Variants in RBFOX1 observed in about 807,000 individuals in gnomAD.
RBFOX1 encodes the protein RNA binding fox-1 homolog 1, also known as RNA binding protein fox-1 homolog 1.
RBFOX1 carries 8 observed loss-of-function variants against 57.7 expected under a neutral mutation model. That is an observed-to-expected ratio of 0.14 (90% confidence interval 0.08 to 0.25). The LOEUF (loss-of-function observed/expected upper bound fraction) is 0.25, where lower values mean the gene tolerates loss of function less well. Among genes scored for constraint, RBFOX1 ranks in the 10% least tolerant of loss-of-function variants. RBFOX1 has a pLI of 1.00. For synonymous variants in RBFOX1, 326 were observed against 222.4 expected (o/e 1.47, Z -4.15); for missense variants, 611 against 548.5 (o/e 1.11, Z -1.14).
intron 4 of RBFOX1, among the ~76,000 whole-genome samples, chr16:7,059,215 C>G (rs1338927263): frequency 4.6e-5 from 7 of 152,210 alleles, no homozygotes; most frequent in African/African-American, 1.4e-4. Context: ...CCCCTCTCCA[C>G]TTTTTAAAGC....
intron 3 of RBFOX1, among the ~76,000 whole-genome samples, chr16:6,786,481 G>A (rs1188860965): frequency 6.6e-6 from 1 of 152,114 alleles, no homozygotes; most frequent in Non-Finnish European, 1.5e-5. Context: ...ACAACAAAGA[G>A]CTGTGTAGCC....
At chr16:5,259,721 C>A (rs1489459708) in intron 1 of RBFOX1, among the ~76,000 whole-genome samples, 1 of 152,198 alleles carries the variant, frequency 6.6e-6, no homozygotes, top group East Asian at 1.9e-4. Flanking sequence ...GCCAGTGCAG[C>A]TTAAGTGGAG....
At chr16:7,218,912 C>A (rs919457589) in intron 4 of RBFOX1, among the ~76,000 whole-genome samples, 1 of 152,106 alleles carries the variant, frequency 6.6e-6, no homozygotes, top group Admixed American at 6.5e-5. Flanking sequence ...TCAGCACAAT[C>A]TTCTCTCTTG....
At chr16:5,817,580 G>C (rs1028425395) in intron 3 of RBFOX1, among the ~76,000 whole-genome samples, 1 of 152,140 alleles carries the variant, frequency 6.6e-6, no homozygotes, top group African/African-American at 2.4e-5. Context: ...AAGACCCTTA[G>C]TGGGAGAAGC....
intron 3 of RBFOX1, among the ~76,000 whole-genome samples, chr16:5,694,167 G>A (rs2050777159): frequency 6.6e-6 from 1 of 152,116 alleles, no homozygotes; most frequent in African/African-American, 2.4e-5. Context: ...GTGTGGCCGG[G>A]GATTTTGCAT....
intron 7 of RBFOX1, among the ~76,000 whole-genome samples, chr16:7,592,049 G>T (rs753083732): frequency 1.3e-5 from 2 of 152,056 alleles, no homozygotes; most frequent in Non-Finnish European, 2.9e-5. Flanking sequence ...GCCACTTCTT[G>T]TCTGGGTGGG....
At chr16:7,173,564 T>C (rs898280105) in intron 4 of RBFOX1, among the ~76,000 whole-genome samples, 15 of 152,204 alleles carry the variant, frequency 9.9e-5, no homozygotes, top group African/African-American at 1.4e-4. Context: ...ATTTGTCATC[T>C]CAATTACAGT....
chr16:6,030,110 T>G (rs2095267444), intron 1 of RBFOX1, among the ~76,000 whole-genome samples: 1 of 152,156 alleles, frequency 6.6e-6, no homozygotes, highest in Non-Finnish European at 1.5e-5. Flanking sequence ...TATTTTTTTG[T>G]AGAGTTGTGA....
intron 4 of RBFOX1, among the ~76,000 whole-genome samples, chr16:7,398,295 C>A (rs183325045): frequency 1.1e-3 from 166 of 152,296 alleles, no homozygotes; most frequent in African/African-American, 3.6e-3. Context: ...GTGACACTTA[C>A]AGGATGCTTA....
At chr16:6,587,573 C>T (rs758660041) in intron 2 of RBFOX1, among the ~76,000 whole-genome samples, 1 of 152,032 alleles carries the variant, frequency 6.6e-6, no homozygotes, top group African/African-American at 2.4e-5. Context: ...TGAGCCACCA[C>T]GCTCAGCTGT....
chr16:5,559,316 T>A (rs1243406132), intron 2 of RBFOX1, among the ~76,000 whole-genome samples: 1 of 152,182 alleles, frequency 6.6e-6, no homozygotes, highest in Non-Finnish European at 1.5e-5. Flanking sequence ...TTCCATGACG[T>A]ACATCTTAAG....
intron 4 of RBFOX1, among the ~76,000 whole-genome samples, chr16:7,285,074 ACT>A (rs2095622632): frequency 2.8e-4 from 12 of 43,324 alleles, no homozygotes; most frequent in Non-Finnish European, 1.0e-4. Flanking sequence ...TAGATTCCTT[ACT>A]TTTTTTTTTT....
intron 4 of RBFOX1, among the ~76,000 whole-genome samples, chr16:5,873,809 G>A (rs1344259256): frequency 6.6e-6 from 1 of 152,132 alleles, no homozygotes; most frequent in Non-Finnish European, 1.5e-5. Context: ...AGATAGGCTA[G>A]GGATATTTAT....
At chr16:5,867,438 A>G (rs1410806608) in intron 4 of RBFOX1, 6 of 822,946 alleles carry the variant, frequency 7.3e-6, no homozygotes, top group Non-Finnish European at 9.7e-6. Flanking sequence ...TCCGTGTTTC[A>G]TTTCCTGGTG....
intron 1 of RBFOX1, among the ~76,000 whole-genome samples, chr16:5,454,869 T>TC (rs1491347181): frequency 7.8e-5 from 6 of 77,314 alleles, no homozygotes; most frequent in Middle Eastern, 4.8e-3. Context: ...TTTCTTTCTT[T>TC]CTTTCTTTCT....
intron 11 of RBFOX1, among the ~76,000 whole-genome samples, chr16:7,638,895 C>A (rs2062254312): frequency 6.6e-6 from 1 of 151,962 alleles, no homozygotes; most frequent in Admixed American, 6.5e-5. Context: ...TGGTGGCTGG[C>A]TGCTTGGGGG....
At chr16:6,815,903 C>A (rs765214127) in intron 3 of RBFOX1, among the ~76,000 whole-genome samples, 1 of 152,172 alleles carries the variant, frequency 6.6e-6, no homozygotes, top group Non-Finnish European at 1.5e-5. Context: ...TTTACTTCCA[C>A]TGAAGGAAAG....
At chr16:6,886,042 G>A (rs919841646) in intron 3 of RBFOX1, among the ~76,000 whole-genome samples, 8 of 151,378 alleles carry the variant, frequency 5.3e-5, no homozygotes, top group African/African-American at 1.9e-4. Flanking sequence ...ACTGTTGACT[G>A]TCCAGTGAAA....
At chr16:6,810,046 T>C (rs115942626) in intron 3 of RBFOX1, among the ~76,000 whole-genome samples, 1 of 150,904 alleles carries the variant, frequency 6.6e-6, no homozygotes, top group Non-Finnish European at 1.5e-5. Flanking sequence ...TTTTTTCTGT[T>C]AATAAGTAGA....
Sources: allele counts gnomAD v4.1 joint callset (sites outside exome capture counted in the v4.1 genomes callset), GRCh38; gene constraint gnomAD v4.1.1; transcripts MANE v1.5; gene names NCBI Gene and HGNC (gene_info 2026-07-23, HGNC 2026-07-21).